The following ZMAT4 variants were observed in gnomAD, a reference collection of about 807,000 sequenced individuals.
ZMAT4 encodes zinc finger matrin-type 4, also known as zinc finger matrin-type protein 4.
ZMAT4 carries 17 observed loss-of-function variants against 28.7 expected under a neutral mutation model. The ratio of observed to expected loss-of-function variants is 0.59; its 90% CI spans 0.41 to 0.89. ZMAT4 has a LOEUF of 0.89. ZMAT4 is among the 40% of genes least tolerant of loss of function. The probability of loss-of-function intolerance (pLI) is 0.00; values close to 1 mark genes in which losing one functional copy is unlikely to be tolerated. For missense variants in ZMAT4, 240 were observed against 283.8 expected, an observed-to-expected ratio of 0.85 and a Z score of 1.11; for synonymous variants, 117 against 109.2, an observed-to-expected ratio of 1.07 and a Z score of -0.44.
chr8:40,858,318 G>A (rs1817369330), intron 1 of ZMAT4, among the ~76,000 whole-genome samples: 1 of 152,088 alleles, frequency 6.6e-6, no homozygotes, highest in African/African-American at 2.4e-5. Context: ...TTTATATTTT[G>A]CAACATTGTT....
intron 5 of ZMAT4, among the ~76,000 whole-genome samples, chr8:40,671,157 T>C (rs1462289965): frequency 6.6e-6 from 1 of 151,962 alleles, no homozygotes; most frequent in Non-Finnish European, 1.5e-5. Context: ...TGCACTAAAA[T>C]GGCTAAAATT....
intron 1 of ZMAT4, among the ~76,000 whole-genome samples, chr8:40,881,543 AAAGAAAGAAAG>A (rs1563263870): frequency 4.6e-5 from 3 of 65,864 alleles, no homozygotes; most frequent in African/African-American, 2.0e-4. Context: ...AGAAAGAAAG[AAAGAAAGAAAG>A]AAAGAAAGAA....
intron 3 of ZMAT4, among the ~76,000 whole-genome samples, chr8:40,714,106 G>T (rs1211617916): frequency 6.6e-6 from 1 of 151,956 alleles, no homozygotes; most frequent in African/African-American, 2.4e-5. Context: ...ATGTCTTATT[G>T]TCAAAGGTGC....
chr8:40,717,833 T>C (rs1050941519), intron 3 of ZMAT4, among the ~76,000 whole-genome samples: 1 of 152,196 alleles, frequency 6.6e-6, no homozygotes, highest in African/African-American at 2.4e-5. Flanking sequence ...TGTTTCTTTT[T>C]ATTTTTAATA....
intron 2 of ZMAT4, among the ~76,000 whole-genome samples, chr8:40,820,868 TTTATGTGTGC>T (rs1815781553): frequency 7.0e-6 from 1 of 141,964 alleles, no homozygotes; most frequent in South Asian, 2.3e-4. Flanking sequence ...TGTTTGTGTG[TTTATGTGTGC>T]ATGTGTATGT....
intron 1 of ZMAT4, among the ~76,000 whole-genome samples, chr8:40,857,413 T>C (rs188422440): frequency 4.0e-5 from 6 of 151,192 alleles, no homozygotes; most frequent in Non-Finnish European, 7.4e-5. Context: ...TAAGAGACAA[T>C]GTCAAGAAAT....
At chr8:40,854,147 C>T (rs1026269180) in intron 1 of ZMAT4, among the ~76,000 whole-genome samples, 6 of 152,270 alleles carry the variant, frequency 3.9e-5, no homozygotes, top group African/African-American at 9.6e-5. Flanking sequence ...TCCCACCAGG[C>T]GCCACCTCCA....
At chr8:40,803,149 T>A (rs532373977) in intron 2 of ZMAT4, among the ~76,000 whole-genome samples, 13 of 152,238 alleles carry the variant, frequency 8.5e-5, no homozygotes, top group Non-Finnish European at 1.5e-4. Flanking sequence ...AATATCTAGA[T>A]GACCTTGGGA....
Position 40,546,385 on chromosome 8 carries a change from T to C in ZMAT4, c.675-14147A>G, listed in dbSNP as rs184730233. Among the ~76,000 whole-genome samples, 28 of 152,288 alleles carry C rather than the reference T, an allele frequency of 1.8e-4. No individual in the cohort carries two copies. The East Asian group carries it at 5.2e-3, about 28-fold the overall frequency. ...ATGGAGACGTACCAGAGCTCAACTC[T>C]GAATGTGACTGAGTGGGATTCGAGG... On this transcript the variant is annotated intron_variant, in intron 6 of 6. Transcript: ENST00000297737.
At chr8:40,759,825 G>A (rs1165083809) in intron 3 of ZMAT4, among the ~76,000 whole-genome samples, 1 of 152,144 alleles carries the variant, frequency 6.6e-6, no homozygotes, top group Non-Finnish European at 1.5e-5. Flanking sequence ...AGAGCTTGCT[G>A]CAAAGACCAA....
chr8:40,589,132 T>A (rs944141019), intron 5 of ZMAT4, among the ~76,000 whole-genome samples: 1 of 152,226 alleles, frequency 6.6e-6, no homozygotes, highest in African/African-American at 2.4e-5. Context: ...TACTGATATA[T>A]GCCATATATA....
At chr8:40,569,612 T>G (rs1212886533) in intron 6 of ZMAT4, among the ~76,000 whole-genome samples, 1 of 152,222 alleles carries the variant, frequency 6.6e-6, no homozygotes, top group East Asian at 1.9e-4. Context: ...TTAGAGTTTA[T>G]GCTCTGTATT....
intron 2 of ZMAT4, among the ~76,000 whole-genome samples, chr8:40,800,815 C>T (rs1456254207): frequency 2.6e-5 from 4 of 151,780 alleles, no homozygotes; most frequent in Admixed American, 2.6e-4. Context: ...TAAAATCAAT[C>T]ACATAAGGTT....
At chr8:40,648,514 A>G (rs752148729) in intron 5 of ZMAT4, among the ~76,000 whole-genome samples, 4 of 150,512 alleles carry the variant, frequency 2.7e-5, no homozygotes, top group Non-Finnish European at 5.9e-5. Flanking sequence ...GATATTGTCC[A>G]GGAGAACTTC....
chr8:40,757,537 G>A lies in ZMAT4; in HGVS notation c.192+10104C>T, dbSNP rs548096678. Among the ~76,000 whole-genome samples the A allele has an allele frequency of 9.3e-4, 139 of 150,228 alleles. 1 individual carries two copies. Among genetic ancestry groups the A allele is most frequent in the African/African-American group, 3.3e-3 (133 of 40,714 alleles). ...GAGGGCGGAGGTTGCAGTAAGCCAA[G>A]ATTGTGCCACTGCACTCCAGGCTGG... On this transcript the variant is annotated intron_variant, in intron 3 of 6. Coordinates refer to ENST00000297737, the MANE Select transcript of ZMAT4 (RefSeq NM_024645.3).
At position 40,589,087 on chromosome 8, in the gene ZMAT4, G is replaced by T. The variant is rs1250704272; in HGVS notation, c.578-7826C>A. Among the ~76,000 whole-genome samples the T allele has an allele frequency of 1.3e-5, 2 of 152,100 alleles. 1 individual carries two copies. The highest frequency in any genetic ancestry group is 1.3e-4 in the Admixed American group (2 of 15,262). On this transcript the variant is annotated intron_variant, in intron 5 of 6. Coordinates refer to ENST00000297737, the MANE Select transcript of ZMAT4 (RefSeq NM_024645.3). ...CATTAATCAAACTGTCTTGTACATG[G>T]ATTTGTTATCTTTGAGCAGAAGGAA...
At chr8:40,617,077 G>T (rs1197267630) in intron 5 of ZMAT4, among the ~76,000 whole-genome samples, 1 of 152,078 alleles carries the variant, frequency 6.6e-6, no homozygotes, top group South Asian at 2.1e-4. Context: ...AATTTATCAT[G>T]ATGTCACAAT....
intron 4 of ZMAT4, among the ~76,000 whole-genome samples, chr8:40,677,369 A>G (rs1233049804): frequency 6.6e-6 from 1 of 150,550 alleles, no homozygotes; most frequent in African/African-American, 2.5e-5. Context: ...TTTAGTGCCT[A>G]TAAAAGCAGG....
chr8:40,624,419 A>C (rs1326700931), intron 5 of ZMAT4, among the ~76,000 whole-genome samples: 3 of 152,198 alleles, frequency 2.0e-5, no homozygotes, highest in South Asian at 2.1e-4. Flanking sequence ...TCAGAAAATA[A>C]AGATCAGTTG....
Sources: allele counts gnomAD v4.1 joint callset (sites outside exome capture counted in the v4.1 genomes callset), GRCh38; gene constraint gnomAD v4.1.1; transcripts MANE v1.5; gene names NCBI Gene and HGNC (gene_info 2026-07-23, HGNC 2026-07-21).